The following DIS3 variants were observed in gnomAD, a reference collection of about 807,000 sequenced individuals.
DIS3 encodes the protein exosome complex exonuclease RRP44.
In DIS3, 103 loss-of-function variants were observed where a neutral mutation model predicts 113.0. That is an observed-to-expected ratio of 0.91 (90% confidence interval 0.78 to 1.07). The LOEUF (loss-of-function observed/expected upper bound fraction) is 1.07, where lower values mean the gene tolerates loss of function less well. Ranked by LOEUF, DIS3 falls within the 50% of genes least tolerant of loss-of-function variation. The pLI is 0.00. For missense variants in DIS3, 1,121 were observed against 1,167.1 expected, an observed-to-expected ratio of 0.96 and a Z score of 0.58; for synonymous variants, 402 against 394.3, an observed-to-expected ratio of 1.02 and a Z score of -0.23.
At chr13:72,781,407 GACTCCAAGA>G in intron 1 of DIS3, 189 bp downstream of exon 1, 8 of 1,527,726 alleles carry the variant, frequency 5.2e-6, no homozygotes, top group African/African-American at 1.4e-5. Flanking sequence ...TCTGAACTAC[GACTCCAAGA>G]ACTAAATTTT....
rs548717317 is a variant in DIS3 at position 72,767,678 on chromosome 13, T to C, written c.1883+1107A>G. The stretch of plus-strand genomic sequence containing the variant: ...TCCAATGTGATAGTCATTAGTCACA[T>C]GTGGCTATTGAGCACTTGAAATATG... On this transcript the variant is annotated intron_variant, in intron 14 of 20. Transcript: ENST00000377767. Among the ~76,000 whole-genome samples the C allele has an allele frequency of 1.8e-4, 27 of 152,386 alleles. No individual in the cohort carries two copies. In the East Asian group the frequency reaches 1.9e-3, roughly 11 times the overall value.
chr13:72,763,886 C>A (rs1027621131), intron 15 of DIS3, among the ~76,000 whole-genome samples: 1 of 152,174 alleles, frequency 6.6e-6, no homozygotes, highest in Non-Finnish European at 1.5e-5. Context: ...CAGTGGCTCA[C>A]ACCTGTAATC....
chr13:72,777,521 G>A, intron 3 of DIS3, 28 bp from the exon 4 acceptor site: 1 of 1,600,380 alleles, frequency 6.2e-7, no homozygotes, highest in Non-Finnish European at 8.6e-7. Context: ...TGTTGTTTTT[G>A]ATAAGTGTTT....
rs1316903514 is a variant in DIS3, at chr13:72,765,945, C to A, written c.1970+27G>T. 3 of 1,535,448 alleles carry A rather than the reference C, an allele frequency of 2.0e-6. No homozygotes were observed. In the South Asian group the frequency reaches 3.7e-5, roughly 19 times the overall value. ...GACAATTAAAATAAAAAAATCTTAT[C>A]TAATGCCCATCAAAAAAATTACAAA... On this transcript the variant is annotated intron_variant, in intron 15 of 20. Coordinates refer to ENST00000377767, the MANE Select transcript of DIS3 (RefSeq NM_014953.5).
At chr13:72,767,544 T>TA in intron 14 of DIS3, among the ~76,000 whole-genome samples, 3 of 152,244 alleles carry the variant, frequency 2.0e-5, no homozygotes, top group Admixed American at 2.0e-4. Flanking sequence ...TAAGATCACA[T>TA]AAAAAATTCC....
chr13:72,773,791 T>C lies in DIS3; in HGVS notation c.1132A>G (p.Lys378Glu), dbSNP rs149755140. 8.1e-6 allele frequency: 13 copies of C among 1,613,958 alleles called. No individual in the cohort carries two copies. The African/African-American group carries it at 1.1e-4, about 13-fold the overall frequency. The change falls in exon 8 of 21, where the codon AAG becomes GAG. Residue 378 changes from lysine to glutamate, a missense_variant. Physicochemically the swap from Lys to Glu is moderately conservative, Grantham distance 56 (BLOSUM62 1). Transcript: ENST00000377767. ...SRRHLFTPAD[K>E]RIPRIRIETR... ...TCTATGCGAATTCGAGGGATTCTCT[T>C]ATCAGCAGGTGTAAAGAGATGTCTT...
chr13:72,759,900 G>A (rs760621284), intron 20 of DIS3, 22 bp from the exon 21 acceptor site: 1 of 1,568,364 alleles, frequency 6.4e-7, no homozygotes, highest in Non-Finnish European at 8.8e-7. Flanking sequence ...CAAATGGGGG[G>A]AAATAAGGTG....
At chr13:72,780,736 T>C in intron 2 of DIS3, 110 bp downstream of exon 2, 2 of 1,057,360 alleles carry the variant, frequency 1.9e-6, no homozygotes, top group Non-Finnish European at 2.8e-6. Context: ...AAATAAGGTA[T>C]GAAATCTATC....
rs1297002186 is a variant in DIS3 at position 72,761,783 on chromosome 13, C to T, written c.2374G>A (p.Ala792Thr). 1 of 1,612,922 alleles carries T rather than the reference C, an allele frequency of 6.2e-7. No homozygotes were observed. The highest frequency in any genetic ancestry group is 1.3e-5 in the African/African-American group (1 of 74,766). The change falls in exon 18 of 21, where the codon GCT becomes ACT. Residue 792 changes from alanine (A) to threonine (T), a missense_variant. Ala to Thr is a moderately conservative substitution (Grantham distance 58). Coordinates refer to ENST00000377767, the MANE Select transcript of DIS3 (RefSeq NM_014953.5). ...YADVIVHRLLAVAIGADCTYP... is the reference protein window; with the variant it reads ...YADVIVHRLLTVAIGADCTYP... ...GTACAGTCAGCCCCAATAGCCACAG[C>T]CAAAAGCCGATGAACAATGACATCT... is the stretch of plus-strand genomic sequence containing the variant.
In DIS3 at chr13:72,777,434, A is replaced by C. The variant is rs1472047383; in HGVS notation, c.640T>G (p.Leu214Val). ...CAAAAACATACCCCTTCTTCAGACAAACAAGCAAGACGATCTATGAGTTCG... is the reference window on the plus strand; with the variant it reads ...CAAAAACATACCCCTTCTTCAGACACACAAGCAAGACGATCTATGAGTTCG... ...NPELIDRLAC[L>V]SEEGNEIESG... The change falls in exon 4 of 21, where the codon TTG becomes GTG. Residue 214 changes from leucine (L) to valine (V), a missense_variant. Around this residue, in one of 3 missense-constraint regions of DIS3, gnomAD observed 861 missense variants for 915.5 expected, o/e 0.94. Coordinates refer to ENST00000377767, the MANE Select transcript of DIS3 (RefSeq NM_014953.5). The C allele has an allele frequency of 6.2e-7, 1 of 1,614,126 alleles. No individual in the cohort carries two copies. Among genetic ancestry groups the C allele is most frequent in the Non-Finnish European group, 8.5e-7 (1 of 1,179,996 alleles).
chr13:72,776,251 C>CA (rs1380707982), intron 4 of DIS3, among the ~76,000 whole-genome samples, 159 bp from the exon 5 acceptor site: 3 of 152,036 alleles, frequency 2.0e-5, no homozygotes, highest in Non-Finnish European at 4.4e-5. Flanking sequence ...CCAGTGCTAA[C>CA]AAAAACAGCT....
chr13:72,763,300 C>A, intron 16 of DIS3, 151 bp downstream of exon 16: 1 of 1,005,280 alleles, frequency 9.9e-7, no homozygotes, highest in Non-Finnish European at 1.4e-6. Flanking sequence ...GAGACCCTGT[C>A]TCAAAAAAAA....
intron 13 of DIS3, among the ~76,000 whole-genome samples, chr13:72,770,570 C>T (rs1304206546): frequency 6.6e-6 from 1 of 152,094 alleles, no homozygotes; most frequent in Non-Finnish European, 1.5e-5. Context: ...CTCTGGTGGC[C>T]TGTTCTGCAT....
rs3832880 is a variant in DIS3 at position 72,759,057 on chromosome 13, TA to T, written c.*737del. ...TAACTACAATTTAAAAGCCACTAATTAATCTGTTTTTTATTTTGTAAGTAAC... is the reference window on the plus strand; with the variant it reads ...TAACTACAATTTAAAAGCCACTAATTATCTGTTTTTTATTTTGTAAGTAAC... On this transcript the variant is annotated 3_prime_UTR_variant, in exon 21 of 21. Transcript: ENST00000377767. 133,856 of 178,920 alleles carry T rather than the reference TA, an allele frequency of 0.75. 50,511 individuals carry two copies. The highest frequency in any genetic ancestry group is 0.82 in the African/African-American group (34,729 of 42,364). 11.1% of individuals were successfully genotyped at this position (178,920 alleles called of 1,614,324 possible). A position where few individuals can be genotyped will look rare whatever the true frequency, so the allele number is the denominator to read the frequency against.
Position 72,759,891 on chromosome 13 carries a change from A to T in DIS3, c.2794-13T>A, listed in dbSNP as rs774777944. 1.3e-6 allele frequency: 2 copies of T among 1,591,494 alleles called. No individual in the cohort carries two copies. Among genetic ancestry groups the T allele is most frequent in the Non-Finnish European group, 1.7e-6 (2 of 1,160,860 alleles). ...TTATTCCTGGTATCTAAAGTAATGC[A>T]AATGGGGGGAAATAAGGTGATTTAA... On this transcript the variant is annotated splice_polypyrimidine_tract_variant and intron_variant, in intron 20 of 20. Coordinates refer to ENST00000377767, the MANE Select transcript of DIS3 (RefSeq NM_014953.5).
chr13:72,773,369 CA>C (rs1457326333), intron 8 of DIS3, among the ~76,000 whole-genome samples: 1 of 152,034 alleles, frequency 6.6e-6, no homozygotes, highest in Non-Finnish European at 1.5e-5. Context: ...GGCTGAGACA[CA>C]AGAATCGCTT....
rs2138221402 is a variant in DIS3, at chr13:72,775,301, C to T, written c.897G>A (p.Lys299=). Reference sequence around the variant, plus strand: ...CAGAAGATGGTGCTACCCACTGACTCTTGGGGAGAAGCTCCACAGCCACAA... The same window carrying T: ...CAGAAGATGGTGCTACCCACTGACTTTTGGGGAGAAGCTCCACAGCCACAA... ...EDIVAVELLP[K]SQWVAPSSVV... The change falls in exon 6 of 21, where the codon AAG becomes AAA. Residue 299 remains lysine, a synonymous_variant. Transcript: ENST00000377767. 1 of 1,613,778 alleles carries T rather than the reference C, an allele frequency of 6.2e-7. No homozygotes were observed. The highest frequency in any genetic ancestry group is 1.6e-4 in the Middle Eastern group (1 of 6,062).
intron 5 of DIS3, among the ~76,000 whole-genome samples, chr13:72,775,579 A>C (rs1050433245): frequency 6.6e-6 from 1 of 152,194 alleles, no homozygotes; most frequent in African/African-American, 2.4e-5. Flanking sequence ...GTAAGTCAGA[A>C]AACACAGGCT....
chr13:72,780,300 T>C (rs1173973398), intron 2 of DIS3, among the ~76,000 whole-genome samples: 1 of 116,780 alleles, frequency 8.6e-6, no homozygotes, highest in African/African-American at 3.4e-5. Context: ...CACTCCAGCC[T>C]GGGTGACAGA....
Sources: gnomAD v4.1 joint callset for allele counts (sites outside exome capture counted in the v4.1 genomes callset) on GRCh38, gnomAD v4.1.1 for gene constraint, gnomAD v4.1.1 regional missense constraint, MANE v1.5 for transcripts, NCBI Gene and HGNC (gene_info 2026-07-23, HGNC 2026-07-21) for gene names.